LRCH1: variants seen among roughly 807,000 people sequenced by gnomAD.
The protein encoded by LRCH1 is leucine rich repeats and calponin homology domain containing 1.
Under a neutral mutation model 94.9 loss-of-function variants are expected in LRCH1, and 23 were observed. The observed-to-expected ratio is 0.24, with a 90% CI of 0.17 to 0.34. LRCH1 has a LOEUF of 0.34. Among genes scored for constraint, LRCH1 ranks in the 10% least tolerant of loss-of-function variants. The pLI is 1.00. For synonymous variants in LRCH1, 364 were observed against 354.9 expected, an observed-to-expected ratio of 1.03 and a Z score of -0.29; for missense variants, 790 against 945.9, an observed-to-expected ratio of 0.84 and a Z score of 2.16.
chr13:46,672,850 A>G (rs1231964880), intron 3 of LRCH1, among the ~76,000 whole-genome samples: 5 of 152,226 alleles, frequency 3.3e-5, no homozygotes, highest in African/African-American at 9.6e-5. Context: ...TTGACATCTT[A>G]CGAATGAAGA....
At chr13:46,611,554 A>T (rs2050747840) in intron 1 of LRCH1, among the ~76,000 whole-genome samples, 1 of 152,200 alleles carries the variant, frequency 6.6e-6, no homozygotes. Flanking sequence ...AATATATATG[A>T]TTGGAACAAC....
rs781003574 is a variant in LRCH1, at chr13:46,733,615, A to G, written c.2008-306A>G. ...TGTATGCAGAAAATTTTGCATACATATACATCAGTGTATATACATGATATA... is the reference window on the plus strand; with the variant it reads ...TGTATGCAGAAAATTTTGCATACATGTACATCAGTGTATATACATGATATA... On this transcript the variant is annotated intron_variant, in intron 18 of 19. Coordinates refer to ENST00000389797, the MANE Select transcript of LRCH1 (RefSeq NM_001164211.2). 1.5e-4 allele frequency among the ~76,000 whole-genome samples: 23 copies of G among 152,174 alleles called. 1 individual carries two copies. Among genetic ancestry groups the G allele is most frequent in the Admixed American group, 1.4e-3 (21 of 15,284 alleles).
At chr13:46,729,063 G>A (rs1314536570) in intron 18 of LRCH1, 79 bp downstream of exon 18, 1 of 1,392,118 alleles carries the variant, frequency 7.2e-7, no homozygotes, top group Non-Finnish European at 9.7e-7. Flanking sequence ...GATGTCAATG[G>A]TGTCAGTAGG....
intron 1 of LRCH1, among the ~76,000 whole-genome samples, chr13:46,612,580 G>C (rs2050759547): frequency 6.6e-6 from 1 of 152,064 alleles, no homozygotes; most frequent in Admixed American, 6.6e-5. Context: ...CACCCCTCTT[G>C]GAATGAGGTC....
intron 1 of LRCH1, among the ~76,000 whole-genome samples, chr13:46,647,609 C>T (rs1423521741): frequency 6.6e-6 from 1 of 152,050 alleles, no homozygotes. Context: ...TTTTAAAATG[C>T]CATACTTTTT....
intron 1 of LRCH1, among the ~76,000 whole-genome samples, chr13:46,630,111 T>C (rs1323322983): frequency 6.6e-6 from 1 of 152,214 alleles, no homozygotes; most frequent in African/African-American, 2.4e-5. Context: ...GGGCAACTGA[T>C]TGACTTTAGT....
At chr13:46,736,987 A>G (rs1873417121) in intron 19 of LRCH1, among the ~76,000 whole-genome samples, 1 of 152,200 alleles carries the variant, frequency 6.6e-6, no homozygotes. Context: ...AGCTAAGCAG[A>G]TTTAGTTAAA....
At chr13:46,681,066 G>T (rs2051744171) in intron 3 of LRCH1, among the ~76,000 whole-genome samples, 1 of 152,226 alleles carries the variant, frequency 6.6e-6, no homozygotes, top group African/African-American at 2.4e-5. Flanking sequence ...CATGTGTCAA[G>T]AGGGGATTCC....
At chr13:46,698,406 A>G (rs1372056558) in intron 9 of LRCH1, among the ~76,000 whole-genome samples, 1 of 152,226 alleles carries the variant, frequency 6.6e-6, no homozygotes, top group African/African-American at 2.4e-5. Flanking sequence ...ATGGTGGTAC[A>G]TGACTTTCCA....
chr13:46,600,334 A>G (rs4942555), intron 1 of LRCH1, among the ~76,000 whole-genome samples: 129,577 of 152,232 alleles, frequency 0.85, 55,328 homozygotes, highest in East Asian at 0.92. Context: ...TCTTTCAGGT[A>G]TTTTGCAGTC....
At chr13:46,684,246 CT>C (rs10641089) in intron 4 of LRCH1, among the ~76,000 whole-genome samples, 2 of 149,376 alleles carry the variant, frequency 1.3e-5, no homozygotes, top group Non-Finnish European at 1.5e-5. Context: ...CTCTACTCCA[CT>C]TTTTTTTTTA....
intron 1 of LRCH1, among the ~76,000 whole-genome samples, chr13:46,614,913 C>CT (rs980894336): frequency 6.6e-6 from 1 of 152,172 alleles, no homozygotes; most frequent in African/African-American, 2.4e-5. Flanking sequence ...GAATTACTGT[C>CT]TGACATTTGG....
chr13:46,744,550 C>T lies in LRCH1; in HGVS notation c.*2702C>T. 1.0e-6 allele frequency: 1 copy of T among 985,330 alleles called. No individual in the cohort carries two copies. The highest frequency in any genetic ancestry group is 1.2e-6 in the Non-Finnish European group (1 of 829,928). The allele number at this position is 985,330 out of a possible 1,614,324, so 61.0% of individuals were successfully genotyped here. ...GGTGGAAAGGGGCCCCGCAGAACTA[C>T]AATGTATGATAATCGAGTATAAATT... On this transcript the variant is annotated 3_prime_UTR_variant, in exon 20 of 20. Coordinates refer to ENST00000389797, the MANE Select transcript of LRCH1 (RefSeq NM_001164211.2).
intron 17 of LRCH1, 57 bp downstream of exon 17, chr13:46,723,387 G>A (rs1872676658): frequency 7.8e-7 from 1 of 1,281,686 alleles, no homozygotes; most frequent in Admixed American, 1.8e-5. Flanking sequence ...CTACATTTTT[G>A]AGAAACAGAC....
Position 46,657,692 on chromosome 13 carries a change from A to ATTTTTTTTTTTTTTTTT in LRCH1, c.452+7363_452+7364insTTTTTTTTTTTTTTTTT, listed in dbSNP as rs55823488. Among the ~76,000 whole-genome samples, 14 of 46,914 alleles carry ATTTTTTTTTTTTTTTTT rather than the reference A, an allele frequency of 3.0e-4. 1 individual carries two copies. Among genetic ancestry groups the ATTTTTTTTTTTTTTTTT allele is most frequent in the African/African-American group, 8.6e-4 (11 of 12,832 alleles). The allele number at this position is 46,914 out of a possible 152,430, so 30.8% of individuals were successfully genotyped here. ...AGACGTGCGCCACCATGCCCAGCTAATTTTTTTTTTTTTTTTGGTAGAGAT... is the reference window on the plus strand; with the variant it reads ...AGACGTGCGCCACCATGCCCAGCTAATTTTTTTTTTTTTTTTTTTTTTTTTTTTTTTTTGGTAGAGAT... On this transcript the variant is annotated intron_variant, in intron 2 of 19. Transcript: ENST00000389797.
At chr13:46,696,514 G>A (rs1314243903) in intron 9 of LRCH1, among the ~76,000 whole-genome samples, 2 of 152,156 alleles carry the variant, frequency 1.3e-5, no homozygotes, top group Non-Finnish European at 2.9e-5. Flanking sequence ...ATTGTTTCAG[G>A]AAAGCAAATT....
At chr13:46,748,741 A>G (rs1874009074), downstream of LRCH1, among the ~76,000 whole-genome samples, 1 of 152,216 alleles carries the variant, frequency 6.6e-6, no homozygotes, top group Non-Finnish European at 1.5e-5. Flanking sequence ...GCCATTGACA[A>G]GATAATCCTA....
At chr13:46,738,883 G>A (rs1873519090) in intron 19 of LRCH1, among the ~76,000 whole-genome samples, 1 of 151,966 alleles carries the variant, frequency 6.6e-6, no homozygotes, top group South Asian at 2.1e-4. Context: ...CATAAAATTG[G>A]CAATTAGTTG....
chr13:46,646,764 G>T (rs576840211), intron 1 of LRCH1, among the ~76,000 whole-genome samples: 4 of 152,126 alleles, frequency 2.6e-5, no homozygotes, highest in African/African-American at 9.6e-5. Flanking sequence ...TTTGTTAATG[G>T]TATATTAATA....
Sources: gnomAD v4.1 joint callset for allele counts (sites outside exome capture counted in the v4.1 genomes callset) on GRCh38, gnomAD v4.1.1 for gene constraint, MANE v1.5 for transcripts, NCBI Gene and HGNC (gene_info 2026-07-23, HGNC 2026-07-21) for gene names.